INCENP: variants seen among roughly 807,000 people sequenced by gnomAD.
INCENP encodes inner centromere protein, also known as binds and activates aurora-B and -C in vivo and in vitro.
A neutral mutation model predicts 107.3 loss-of-function variants in INCENP; 43 were observed. The ratio of observed to expected loss-of-function variants is 0.40; its 90% CI spans 0.31 to 0.52. The LOEUF (loss-of-function observed/expected upper bound fraction) is 0.52, where lower values mean the gene tolerates loss of function less well. INCENP is among the 20% of genes least tolerant of loss of function. The pLI, the probability that INCENP is intolerant of heterozygous loss-of-function variation, is 0.53. For missense variants in INCENP, 1,089 were observed against 1,250.9 expected, an observed-to-expected ratio of 0.87 and a Z score of 1.95; for synonymous variants, 488 against 494.4, an observed-to-expected ratio of 0.99 and a Z score of 0.17.
chr11:62,151,864 A>G lies in INCENP; in HGVS notation c.2645A>G (p.Lys882Arg), dbSNP rs1374558034. 1.7e-5 allele frequency: 28 copies of G among 1,614,076 alleles called. No homozygotes were observed. Among genetic ancestry groups the G allele is most frequent in the Non-Finnish European group, 2.4e-5 (28 of 1,180,038 alleles). Residue 882 changes from lysine (K) to arginine (R), a missense_variant, in exon 19 of 19, where the codon AAG becomes AGG. By Grantham distance (26) the Lys-to-Arg change is conservative. Transcript: ENST00000394818. ...CCACTGGACTTGGAGGATATCTTCA[A>G]GAAGAGCAAGCCCCGCTATCACAAG... Reference protein sequence around the residue: ...ILPLDLEDIFKKSKPRYHKRT... With the variant: ...ILPLDLEDIFRKSKPRYHKRT...
chr11:62,136,049 G>A (rs1010292588), intron 4 of INCENP, among the ~76,000 whole-genome samples: 2 of 152,046 alleles, frequency 1.3e-5, no homozygotes, highest in African/African-American at 4.8e-5. Context: ...CGCCCGCCTC[G>A]GCCTCCCAAA....
chr11:62,132,830 A>T (rs1381284678), intron 4 of INCENP, among the ~76,000 whole-genome samples: 2 of 152,132 alleles, frequency 1.3e-5, no homozygotes, highest in African/African-American at 2.4e-5. Flanking sequence ...AGAGAGGAGG[A>T]TACAGGATCT....
At chr11:62,145,495 G>C in intron 13 of INCENP, 134 bp from the exon 14 acceptor site, 2 of 1,334,136 alleles carry the variant, frequency 1.5e-6, no homozygotes, top group Non-Finnish European at 2.0e-6. Flanking sequence ...CCGGCTTCTG[G>C]TGTCCTCTCC....
At chr11:62,141,637 G>A (rs1944125598) in intron 11 of INCENP, 126 bp downstream of exon 11, 3 of 1,298,488 alleles carry the variant, frequency 2.3e-6, no homozygotes, top group Admixed American at 1.7e-5. Context: ...GGAGCCTTAG[G>A]AAGAGAGTGG....
rs372341974 is a variant in INCENP, at chr11:62,140,738, C to T, written c.1378C>T (p.Leu460=). 9 of 1,597,912 alleles carry T rather than the reference C, an allele frequency of 5.6e-6. No individual in the cohort carries two copies. In the African/African-American group the frequency reaches 9.4e-5, roughly 17 times the overall value. The change falls in exon 9 of 19, where the codon CTG becomes TTG. Residue 460 remains leucine (L), a synonymous_variant. Coordinates refer to ENST00000394818, the MANE Select transcript of INCENP (RefSeq NM_001040694.2). ...KRSYKQAVSE[L]DEEQHLEDEE... is the part of the protein sequence containing the mutation. ...CAGCTACAAGCAGGCCGTGAGTGAG[C>T]TGGACGAGGAGCAGCACCTGGAGGA...
At chr11:62,149,140 C>G (rs914732774) in intron 17 of INCENP, among the ~76,000 whole-genome samples, 1 of 150,464 alleles carries the variant, frequency 6.6e-6, no homozygotes, top group African/African-American at 2.5e-5. Context: ...ACTTATGTAA[C>G]CCTTTTAACA....
chr11:62,127,830 G>T (rs779975169), intron 1 of INCENP, among the ~76,000 whole-genome samples: 1 of 152,076 alleles, frequency 6.6e-6, no homozygotes, highest in Non-Finnish European at 1.5e-5. Context: ...CCCAGAAAAG[G>T]CCATTTATAA....
chr11:62,126,878 A>G (rs1047546393), intron 1 of INCENP, among the ~76,000 whole-genome samples: 1 of 152,218 alleles, frequency 6.6e-6, no homozygotes, highest in African/African-American at 2.4e-5. Context: ...GAATAATGAC[A>G]AGGGAAAAGA....
At chr11:62,135,064 A>G (rs1409637845) in intron 4 of INCENP, among the ~76,000 whole-genome samples, 1 of 152,112 alleles carries the variant, frequency 6.6e-6, no homozygotes, top group Non-Finnish European at 1.5e-5. Context: ...AAAAAAAAGT[A>G]GCTAAAGAAC....
At chr11:62,135,628 A>G (rs77411745) in intron 4 of INCENP, among the ~76,000 whole-genome samples, 6,769 of 152,178 alleles carry the variant, frequency 0.044, 463 homozygotes, top group African/African-American at 0.15. Flanking sequence ...CATTTCGAAA[A>G]TATTGTTTCA....
At chr11:62,139,280 G>A (rs1259911761) in intron 7 of INCENP, among the ~76,000 whole-genome samples, 3 of 152,132 alleles carry the variant, frequency 2.0e-5, no homozygotes, top group South Asian at 2.1e-4. Context: ...GATATGAAGA[G>A]GCCAGGTCAA....
intron 4 of INCENP, among the ~76,000 whole-genome samples, chr11:62,131,487 G>A (rs557112631): frequency 8.3e-4 from 126 of 152,302 alleles, no homozygotes; most frequent in African/African-American, 2.8e-3. Flanking sequence ...ATCTGAGCTG[G>A]GAGGGTTCTG....
Position 62,141,044 on chromosome 11 carries a change from G to T in INCENP, c.1593G>T (p.Lys531Asn). 6.2e-7 allele frequency: 1 copy of T among 1,612,936 alleles called. No homozygotes were observed. The highest frequency in any genetic ancestry group is 8.5e-7 in the Non-Finnish European group (1 of 1,179,516). The change falls in exon 10 of 19, where the codon AAG becomes AAT. Residue 531 changes from lysine to asparagine, a missense_variant and splice_region_variant. Coordinates refer to ENST00000394818, the MANE Select transcript of INCENP (RefSeq NM_001040694.2). The stretch of plus-strand genomic sequence containing the variant: ...ACACTCCCCTGCGCATGGACCCCAA[G>T]GTGAGGGGCCTGTGCCCAGGCCGGG... ...KRNTPLRMDP[K>N]CSFVEKERQR... is the part of the protein sequence containing the mutation.
Position 62,150,069 on chromosome 11 carries a change from A to G in INCENP, c.2404A>G (p.Thr802Ala). The change falls in exon 18 of 19, where the codon ACC (threonine) becomes GCC (alanine). Residue 802 changes from threonine (T) to alanine (A), a missense_variant. Physicochemically the swap from Thr to Ala is moderately conservative, Grantham distance 58 (BLOSUM62 0). Coordinates refer to ENST00000394818, the MANE Select transcript of INCENP (RefSeq NM_001040694.2). The part of the protein sequence containing the change: ...VTVDVQSPAC[T>A]SYQMTPQGHR... ...TTTGTTTTTGCAGTCTCCAGCTTGT[A>G]CCTCATATCAGATGACTCCGCAAGG... 1 of 1,613,854 alleles carries G rather than the reference A, an allele frequency of 6.2e-7. No homozygotes were observed. The highest frequency in any genetic ancestry group is 8.5e-7 in the Non-Finnish European group (1 of 1,179,960).
intron 11 of INCENP, among the ~76,000 whole-genome samples, chr11:62,142,636 T>G (rs1271021697): frequency 6.6e-6 from 1 of 152,258 alleles, no homozygotes; most frequent in African/African-American, 2.4e-5. Context: ...TTCTCAGCAT[T>G]GCAATTTAGT....
chr11:62,128,766 A>T lies in INCENP; in HGVS notation c.141-4A>T, dbSNP rs1345336173. The T allele has an allele frequency of 6.2e-7, 1 of 1,609,288 alleles. No homozygotes were observed. Among genetic ancestry groups the T allele is most frequent in the South Asian group, 1.1e-5 (1 of 91,004 alleles). On this transcript the variant is annotated splice_polypyrimidine_tract_variant and splice_region_variant and intron_variant, in intron 2 of 18. Coordinates refer to ENST00000394818, the MANE Select transcript of INCENP (RefSeq NM_001040694.2). ...TCGAGTGACACCCTCCTTGTGCCAA[A>T]CAGAGAATTCAGCAAAGAGCCAGAG...
Position 62,128,825 on chromosome 11 carries a change from C to T in INCENP, c.196C>T (p.Arg66Trp), listed in dbSNP as rs201257670. ...MPKTPSQKNR[R>W]KKRRISYVQD... is the part of the protein sequence containing the mutation. The stretch of plus-strand genomic sequence containing the variant: ...CAAAACACCTTCTCAGAAGAACCGA[C>T]GGAAGAAGAGACGGATTTCTTATGT... The change falls in exon 3 of 19, where the codon CGG (arginine) becomes TGG (tryptophan). Residue 66 changes from arginine to tryptophan, a missense_variant. Physicochemically the swap from Arg to Trp is moderately radical, Grantham distance 101. Coordinates refer to ENST00000394818, the MANE Select transcript of INCENP (RefSeq NM_001040694.2). 39 of 1,614,084 alleles carry T rather than the reference C, an allele frequency of 2.4e-5. No homozygotes were observed. Among genetic ancestry groups the T allele is most frequent in the Admixed American group, 3.3e-5 (2 of 60,016 alleles).
chr11:62,141,377 G>T (rs1944118215), intron 10 of INCENP, 123 bp from the exon 11 acceptor site: 4 of 1,250,648 alleles, frequency 3.2e-6, no homozygotes, highest in African/African-American at 1.5e-5. Context: ...GGCGGTGGGG[G>T]TGCTGCTGGC....
intron 4 of INCENP, among the ~76,000 whole-genome samples, chr11:62,132,841 A>G (rs1268294404): frequency 6.6e-6 from 1 of 152,182 alleles, no homozygotes; most frequent in Admixed American, 6.5e-5. Context: ...TACAGGATCT[A>G]GGATCTGGAG....
Sources: allele counts gnomAD v4.1 joint callset (sites outside exome capture counted in the v4.1 genomes callset), GRCh38; gene constraint gnomAD v4.1.1; transcripts MANE v1.5; gene names NCBI Gene and HGNC (gene_info 2026-07-23, HGNC 2026-07-21).